Variants in CYRIB observed in about 807,000 individuals in gnomAD.
CYRIB encodes the protein CYFIP related Rac1 interactor B.
Under a neutral mutation model 44.2 loss-of-function variants are expected in CYRIB, and 8 were observed. That is an observed-to-expected ratio of 0.18 (90% CI 0.11 to 0.33). The LOEUF (loss-of-function observed/expected upper bound fraction) is 0.33. CYRIB is among the 10% of genes least tolerant of loss of function. CYRIB has a pLI of 1.00. For missense variants in CYRIB, 185 were observed against 382.8 expected, an observed-to-expected ratio of 0.48 and a Z score of 4.31; for synonymous variants, 131 against 127.2, an observed-to-expected ratio of 1.03 and a Z score of -0.20.
At chr8:129,985,114 G>A (rs1053308145) in intron 1 of CYRIB, among the ~76,000 whole-genome samples, 2 of 152,142 alleles carry the variant, frequency 1.3e-5, no homozygotes, top group Non-Finnish European at 2.9e-5. Flanking sequence ...ACACACCAGG[G>A]TTGCCACTCA....
intron 2 of CYRIB, among the ~76,000 whole-genome samples, chr8:129,887,222 G>C (rs901025029): frequency 6.6e-6 from 1 of 152,104 alleles, no homozygotes; most frequent in Non-Finnish European, 1.5e-5. Flanking sequence ...AGCCACTCCA[G>C]CTCCAGCCAC....
rs188244464 is a variant in CYRIB, at chr8:129,911,460, C to T, written c.-49-8110G>A. Among the ~76,000 whole-genome samples, 8 of 152,236 alleles carry T rather than the reference C, an allele frequency of 5.3e-5. No homozygotes were observed. The East Asian group carries it at 1.3e-3, about 26-fold the overall frequency. ...GTGATTTCTTGTAAAACAAATACTA[C>T]TTTTCCACTAACTTCTTTTATTGTA... is the stretch of plus-strand genomic sequence containing the variant. On this transcript the variant is annotated intron_variant, in intron 1 of 11. Transcript: ENST00000519824.
intron 11 of CYRIB, among the ~76,000 whole-genome samples, chr8:129,843,194 G>A (rs1243065547): frequency 3.9e-4 from 59 of 152,156 alleles, no homozygotes; most frequent in Admixed American, 3.9e-3. Flanking sequence ...AACAAGAAGA[G>A]GCTACATACA....
At chr8:129,927,649 G>A (rs1056629908) in intron 1 of CYRIB, among the ~76,000 whole-genome samples, 1 of 152,092 alleles carries the variant, frequency 6.6e-6, no homozygotes, top group Non-Finnish European at 1.5e-5. Flanking sequence ...CCAAAACAGC[G>A]ACTACCTAGG....
At chr8:129,971,360 T>G (rs945836542) in intron 1 of CYRIB, among the ~76,000 whole-genome samples, 1 of 152,298 alleles carries the variant, frequency 6.6e-6, no homozygotes, top group East Asian at 1.9e-4. Flanking sequence ...CCCAAAGTGC[T>G]GAATTACAGG....
At chr8:129,879,290 A>G in intron 3 of CYRIB, 99 bp downstream of exon 5, 1 of 784,284 alleles carries the variant, frequency 1.3e-6, no homozygotes, top group South Asian at 1.5e-5. Context: ...AGTCATGCAA[A>G]GCAGTTAAAA....
chr8:129,977,812 G>A (rs557195079), intron 1 of CYRIB, among the ~76,000 whole-genome samples: 12 of 152,164 alleles, frequency 7.9e-5, no homozygotes, highest in Non-Finnish European at 1.8e-4. Flanking sequence ...GATTACAGGC[G>A]TGAGCCACTG....
chr8:130,016,692 CATCGCGGGGCCCCGGCGT>C (rs1023029935), upstream of CYRIB: 9 of 149,070 alleles, frequency 6.0e-5, no homozygotes, highest in African/African-American at 2.2e-4. Context: ...GTCCCCGCCG[CATCGCGGGGCCCCGGCGT>C]CAGCGCGCGC....
chr8:129,870,853 T>C (rs900663475), intron 4 of CYRIB, among the ~76,000 whole-genome samples: 7 of 151,406 alleles, frequency 4.6e-5, no homozygotes, highest in Non-Finnish European at 8.8e-5. Context: ...GAAGAAGAAA[T>C]AATTAAAAGA....
chr8:129,933,863 C>CA lies in CYRIB; in HGVS notation c.-50+5744dup, dbSNP rs967288233. Reference sequence around the variant, plus strand: ...CACTCCGGCCTGGGTGACAGGGTGACAGAGTAAGACTCTGTCACACACACA... The same window carrying CA: ...CACTCCGGCCTGGGTGACAGGGTGACAAGAGTAAGACTCTGTCACACACACA... On this transcript the variant is annotated intron_variant, in intron 1 of 11. Coordinates refer to ENST00000519824, the Ensembl canonical transcript of CYRIB. 4.0e-5 allele frequency among the ~76,000 whole-genome samples: 6 copies of CA among 149,336 alleles called. 1 individual carries two copies. Among genetic ancestry groups the CA allele is most frequent in the Admixed American group, 4.0e-4 (6 of 14,984 alleles).
At chr8:129,883,847 T>C (rs2061689229) in intron 2 of CYRIB, among the ~76,000 whole-genome samples, 1 of 146,904 alleles carries the variant, frequency 6.8e-6, no homozygotes, top group South Asian at 2.1e-4. Flanking sequence ...CCTAAAATCA[T>C]TAAATGGGTT....
chr8:129,889,064 G>A (rs964343523), intron 2 of CYRIB, among the ~76,000 whole-genome samples: 1 of 152,016 alleles, frequency 6.6e-6, no homozygotes, highest in African/African-American at 2.4e-5. Flanking sequence ...TGCACTCCAT[G>A]GGCAACAGAG....
chr8:130,011,553 C>G (rs1166104728), intron 1 of CYRIB, among the ~76,000 whole-genome samples: 2 of 151,924 alleles, frequency 1.3e-5, no homozygotes, highest in South Asian at 4.2e-4. Context: ...CATGGTGGCT[C>G]ACGCCTGTAA....
At chr8:129,890,025 C>T (rs983449687) in intron 2 of CYRIB, among the ~76,000 whole-genome samples, 3 of 152,070 alleles carry the variant, frequency 2.0e-5, no homozygotes, top group Non-Finnish European at 4.4e-5. Context: ...CCACCCACCT[C>T]GGACTCCCAA....
At chr8:130,002,753 C>T (rs1342881450) in intron 1 of CYRIB, among the ~76,000 whole-genome samples, 3 of 152,144 alleles carry the variant, frequency 2.0e-5, no homozygotes, top group Admixed American at 1.3e-4. Context: ...GGTTTAAGTA[C>T]GTGGTTACTG....
intron 4 of CYRIB, among the ~76,000 whole-genome samples, chr8:129,870,876 A>T (rs2056889403): frequency 6.6e-6 from 1 of 152,232 alleles, no homozygotes; most frequent in Non-Finnish European, 1.5e-5. Flanking sequence ...AAAGTTTCAG[A>T]ACAGGATGAA....
At chr8:129,897,803 T>C (rs2068855842) in intron 2 of CYRIB, among the ~76,000 whole-genome samples, 1 of 152,038 alleles carries the variant, frequency 6.6e-6, no homozygotes, top group Non-Finnish European at 1.5e-5. Flanking sequence ...TTCACTCTTG[T>C]CACCCAGGCT....
Position 129,851,132 on chromosome 8 carries a change from C to T in CYRIB, c.634-218G>A, listed in dbSNP as rs140404213. 725 of 514,406 alleles carry T rather than the reference C, an allele frequency of 1.4e-3. 7 individuals are homozygous for T. The highest frequency in any genetic ancestry group is 0.012 in the African/African-American group (623 of 51,298). 31.9% of individuals were successfully genotyped at this position (514,406 alleles called of 1,614,324 possible). On this transcript the variant is annotated intron_variant, in intron 8 of 11. Transcript: ENST00000519824. ...AAGGCAGGACTCTTCTGAAAGGCAC[C>T]TGCATTCCAGCAATGTAAGAACAAC... is the stretch of plus-strand genomic sequence containing the variant.
chr8:129,967,371 GTTT>G (rs141858487), intron 2 of CYRIB, among the ~76,000 whole-genome samples: 100 of 141,546 alleles, frequency 7.1e-4, no homozygotes, highest in African/African-American at 3.0e-3. Context: ...GTTTTGTTTT[GTTT>G]TTTTGTTTTT....
Sources: allele counts gnomAD v4.1 joint callset (sites outside exome capture counted in the v4.1 genomes callset), GRCh38; gene constraint gnomAD v4.1.1; transcripts MANE v1.5; gene names NCBI Gene and HGNC (gene_info 2026-07-23, HGNC 2026-07-21).